The following RGSL1 variants were observed in gnomAD, a reference collection of about 807,000 sequenced individuals.
RGSL1 encodes regulator of G protein signaling like 1.
Under a neutral mutation model 124.7 loss-of-function variants are expected in RGSL1, and 97 were observed. That is an observed-to-expected ratio of 0.78 (90% CI 0.66 to 0.92). The LOEUF (loss-of-function observed/expected upper bound fraction) is 0.92, where lower values mean the gene tolerates loss of function less well. Among genes scored for constraint, RGSL1 ranks in the 40% least tolerant of loss-of-function variants. RGSL1 has a pLI of 0.00. For missense variants in RGSL1, 1,233 were observed against 1,288.4 expected (o/e 0.96, Z 0.66); for synonymous variants, 424 against 438.1 (o/e 0.97, Z 0.40).
chr1:182,539,390 A>C (rs1365550786), intron 14 of RGSL1, among the ~76,000 whole-genome samples: 1 of 152,204 alleles, frequency 6.6e-6, no homozygotes, highest in Non-Finnish European at 1.5e-5. Context: ...CTGAGACATG[A>C]CAAGTGCTAG....
chr1:182,554,514 A>C (rs2102339611), intron 19 of RGSL1, 113 bp from the exon 20 acceptor site: 1 of 827,276 alleles, frequency 1.2e-6, no homozygotes, highest in South Asian at 1.5e-5. Context: ...CAACCCCTAC[A>C]TTGGAGGTGT....
intron 17 of RGSL1, chr1:182,549,911 G>A (rs950127426): frequency 7.9e-5 from 12 of 152,218 alleles, no homozygotes; most frequent in African/African-American, 2.7e-4. Context: ...TTCACCCAGA[G>A]ACTTTTGGAG....
intron 4 of RGSL1, among the ~76,000 whole-genome samples, chr1:182,470,746 T>G (rs1337528653): frequency 6.6e-6 from 1 of 152,140 alleles, no homozygotes; most frequent in Middle Eastern, 3.2e-3. Context: ...AGCACCTATA[T>G]TGGTACCTGA....
intron 8 of RGSL1, among the ~76,000 whole-genome samples, chr1:182,491,318 C>T (rs138134055): frequency 0.022 from 3,356 of 152,190 alleles, 117 homozygotes; most frequent in African/African-American, 0.074. Context: ...CAGGTTCATG[C>T]AATTCTCCTG....
intron 8 of RGSL1, among the ~76,000 whole-genome samples, chr1:182,490,764 T>G (rs893749021): frequency 1.3e-5 from 2 of 152,144 alleles, no homozygotes; most frequent in African/African-American, 2.4e-5. Context: ...GCACATATCA[T>G]TACTTCCTCT....
intron 19 of RGSL1, 101 bp from the exon 20 acceptor site, chr1:182,554,526 C>G: frequency 1.0e-6 from 1 of 968,710 alleles, no homozygotes; most frequent in Middle Eastern, 2.5e-4. Flanking sequence ...TGGAGGTGTC[C>G]GTGGAAGCCC....
rs1558443661 is a variant in RGSL1 at position 182,554,690 on chromosome 1, A to G, written c.3194A>G (p.Gln1065Arg). 6.4e-7 allele frequency: 1 copy of G among 1,551,632 alleles called. No homozygotes were observed. Among genetic ancestry groups the G allele is most frequent in the East Asian group, 2.4e-5 (1 of 40,920 alleles). Residue 1065 changes from glutamine to arginine, a missense_variant, in exon 20 of 22, where the codon CAG becomes CGG. Gln to Arg is a conservative substitution (Grantham distance 43). Coordinates refer to ENST00000294854, the MANE Select transcript of RGSL1 (RefSeq NM_001137669.2). ...TCTGCCATGCAGCTGCATCCCGTCC[A>G]GGGGTAGGCATGAGCTGGAAATCCT... ...VVSAMQLHPV[Q>R]GQKLSYIKKE...
intron 12 of RGSL1, 54 bp downstream of exon 12, chr1:182,530,415 T>G: frequency 7.4e-7 from 1 of 1,357,300 alleles, no homozygotes; most frequent in Non-Finnish European, 1.0e-6. Context: ...CCTTGGCTTC[T>G]GAAAGCCATA....
chr1:182,489,326 C>A, intron 8 of RGSL1, 124 bp downstream of exon 8: 3 of 832,568 alleles, frequency 3.6e-6, no homozygotes, highest in Non-Finnish European at 5.5e-6. Flanking sequence ...CTAATTTGGT[C>A]ATCAAAACAG....
In RGSL1 at chr1:182,464,616, T is replaced by C. The variant is rs139858038; in HGVS notation, c.301+4483T>C. Among the ~76,000 whole-genome samples, 457 of 151,152 alleles carry C rather than the reference T, an allele frequency of 3.0e-3. 1 individual carries two copies. The highest frequency in any genetic ancestry group is 0.01 in the African/African-American group (427 of 41,150). On this transcript the variant is annotated intron_variant, in intron 4 of 21. Transcript: ENST00000294854. ...GCGGGATCCTGTAATCCCAGCTACTTGGGAGGCTGAGGCAGGAGAATCACT... is the reference window on the plus strand; with the variant it reads ...GCGGGATCCTGTAATCCCAGCTACTCGGGAGGCTGAGGCAGGAGAATCACT...
chr1:182,553,950 C>G (rs1327158928), intron 19 of RGSL1, among the ~76,000 whole-genome samples: 1 of 152,174 alleles, frequency 6.6e-6, no homozygotes, highest in Non-Finnish European at 1.5e-5. Flanking sequence ...CATTTCATAC[C>G]TCCTGCTTCC....
chr1:182,537,726 C>T (rs1659639686), intron 14 of RGSL1, among the ~76,000 whole-genome samples: 1 of 152,098 alleles, frequency 6.6e-6, no homozygotes. Context: ...ATGAGTTTTT[C>T]TAGTCTCTCG....
intron 6 of RGSL1, among the ~76,000 whole-genome samples, chr1:182,481,682 C>T (rs1179721034): frequency 6.6e-6 from 1 of 152,138 alleles, no homozygotes; most frequent in African/African-American, 2.4e-5. Flanking sequence ...TGCAAATATT[C>T]ACAAGAAAAT....
intron 9 of RGSL1, among the ~76,000 whole-genome samples, chr1:182,513,337 C>G (rs1329860459): frequency 6.6e-6 from 1 of 152,078 alleles, no homozygotes. Flanking sequence ...GGTTGCCTGA[C>G]CATTTGGAGT....
At chr1:182,488,553 C>G in intron 7 of RGSL1, 1 of 533,206 alleles carries the variant, frequency 1.9e-6, no homozygotes, top group Non-Finnish European at 3.3e-6. Flanking sequence ...GGTGAAACCC[C>G]GTCTCTACTA....
chr1:182,472,374 G>A (rs867332350), intron 4 of RGSL1, 22 bp from the exon 5 acceptor site: 14 of 1,539,722 alleles, frequency 9.1e-6, no homozygotes, highest in Non-Finnish European at 1.2e-5. Context: ...ATAGCTCTGT[G>A]CCTCTTCTGT....
At chr1:182,515,796 C>G (rs1657846975) in intron 9 of RGSL1, among the ~76,000 whole-genome samples, 1 of 152,142 alleles carries the variant, frequency 6.6e-6, no homozygotes, top group South Asian at 2.1e-4. Flanking sequence ...GTGCTGCAGA[C>G]TCGCCCAGGT....
intron 9 of RGSL1, among the ~76,000 whole-genome samples, chr1:182,516,467 G>A (rs577498217): frequency 6.6e-6 from 1 of 152,240 alleles, no homozygotes; most frequent in South Asian, 2.1e-4. Context: ...AATAAGTAAG[G>A]ACTTACTACT....
chr1:182,520,879 A>G (rs1658285480), intron 9 of RGSL1, among the ~76,000 whole-genome samples: 1 of 152,088 alleles, frequency 6.6e-6, no homozygotes, highest in South Asian at 2.1e-4. Flanking sequence ...CTATTTAAAA[A>G]CCATTTTAAA....
Sources: gnomAD v4.1 joint callset for allele counts (sites outside exome capture counted in the v4.1 genomes callset) on GRCh38, gnomAD v4.1.1 for gene constraint, MANE v1.5 for transcripts, NCBI Gene and HGNC (gene_info 2026-07-23, HGNC 2026-07-21) for gene names.